The following MGAT4C variants were observed in gnomAD, a reference collection of about 807,000 sequenced individuals.
The protein encoded by MGAT4C is alpha-1,3-mannosyl-glycoprotein 4-beta-N-acetylglucosaminyltransferase C.
A neutral mutation model predicts 40.1 loss-of-function variants in MGAT4C; 19 were observed. The observed-to-expected ratio is 0.47, with a 90% CI of 0.33 to 0.70. The LOEUF (loss-of-function observed/expected upper bound fraction) is 0.70, where lower values mean the gene tolerates loss of function less well. MGAT4C is among the 30% of genes least tolerant of loss of function. MGAT4C has a pLI of 0.02. For missense variants in MGAT4C, 491 were observed against 563.2 expected (o/e 0.87, Z 1.30); for synonymous variants, 181 against 187.1 (o/e 0.97, Z 0.27).
intron 2 of MGAT4C, among the ~76,000 whole-genome samples, chr12:86,726,063 T>C (rs187563220): frequency 1.2e-4 from 18 of 152,300 alleles, no homozygotes; most frequent in African/African-American, 4.3e-4. Context: ...TCGTTTCCAA[T>C]TGAAACTGGA....
At position 86,415,268 on chromosome 12, in the gene MGAT4C, A is replaced by G. The variant is rs549691480; in HGVS notation, c.-120+19889T>C. 1.4e-4 allele frequency among the ~76,000 whole-genome samples: 22 copies of G among 152,176 alleles called. No homozygotes were observed. The East Asian group carries it at 4.1e-3, about 28-fold the overall frequency. On this transcript the variant is annotated intron_variant, in intron 3 of 7. Coordinates refer to the MGAT4C transcript ENST00000548651. ...TTCTAATTGTAGCAAAATTGCAATA[A>G]GGCCTGGAATGACATGGATATAAGA...
intron 1 of MGAT4C, among the ~76,000 whole-genome samples, chr12:86,832,441 T>A (rs1273792433): frequency 6.6e-6 from 1 of 151,726 alleles, no homozygotes; most frequent in East Asian, 1.9e-4. Context: ...TTCAGCAAAA[T>A]ATTTTGAAGA....
At chr12:86,637,319 A>G (rs960049074) in intron 2 of MGAT4C, among the ~76,000 whole-genome samples, 2 of 151,988 alleles carry the variant, frequency 1.3e-5, no homozygotes, top group African/African-American at 4.8e-5. Flanking sequence ...TGAGTTGCAT[A>G]TCTTTTTCAC....
chr12:86,120,214 A>G (rs6539949), intron 1 of MGAT4C, among the ~76,000 whole-genome samples: 2 of 28,676 alleles, frequency 7.0e-5, no homozygotes, highest in African/African-American at 5.3e-4. Flanking sequence ...AAATTTTATT[A>G]TTTTTATTTT....
intron 3 of MGAT4C, among the ~76,000 whole-genome samples, chr12:86,335,424 G>A (rs902742313): frequency 1.3e-5 from 2 of 152,020 alleles, no homozygotes; most frequent in African/African-American, 4.8e-5. Context: ...CAGTCTCTAT[G>A]GGAGAGTATA....
chr12:86,623,958 C>T (rs1803420194), intron 2 of MGAT4C, among the ~76,000 whole-genome samples: 1 of 152,106 alleles, frequency 6.6e-6, no homozygotes, highest in South Asian at 2.1e-4. Flanking sequence ...AAATAAGATT[C>T]AAGTTCTACT....
At chr12:86,470,806 C>T (rs900114498) in intron 2 of MGAT4C, among the ~76,000 whole-genome samples, 6 of 152,090 alleles carry the variant, frequency 3.9e-5, no homozygotes, top group Non-Finnish European at 5.9e-5. Context: ...ATACTAATAG[C>T]GAAATAACAT....
intron 3 of MGAT4C, among the ~76,000 whole-genome samples, chr12:86,361,491 C>T (rs142150155): frequency 6.6e-6 from 1 of 152,100 alleles, no homozygotes; most frequent in African/African-American, 2.4e-5. Flanking sequence ...CAAATGGGAT[C>T]TAATTAAACT....
At chr12:86,123,722 C>T (rs1053411036) in intron 1 of MGAT4C, among the ~76,000 whole-genome samples, 6 of 151,996 alleles carry the variant, frequency 3.9e-5, no homozygotes, top group South Asian at 2.1e-4. Flanking sequence ...GAGTCCTGGA[C>T]GTGGCATCCT....
At chr12:86,377,900 A>T (rs1679540476) in intron 3 of MGAT4C, among the ~76,000 whole-genome samples, 1 of 152,008 alleles carries the variant, frequency 6.6e-6, no homozygotes, top group Admixed American at 6.6e-5. Context: ...CCACCATTCT[A>T]CTTGCTGTCT....
chr12:86,203,772 A>G (rs1305493697), intron 1 of MGAT4C, among the ~76,000 whole-genome samples: 1 of 151,854 alleles, frequency 6.6e-6, no homozygotes, highest in Non-Finnish European at 1.5e-5. Context: ...AGACTGACCA[A>G]CGTGGTGAAA....
chr12:86,493,393 A>G (rs1382267987), intron 2 of MGAT4C, among the ~76,000 whole-genome samples: 2 of 152,128 alleles, frequency 1.3e-5, no homozygotes, highest in African/African-American at 4.8e-5. Context: ...ACTTGGAACC[A>G]ACCCAAATGT....
intron 2 of MGAT4C, among the ~76,000 whole-genome samples, chr12:86,534,666 C>A (rs1042388914): frequency 3.6e-4 from 54 of 152,084 alleles, no homozygotes; most frequent in Admixed American, 5.9e-4. Flanking sequence ...GAACAAATAA[C>A]CATGGATAGT....
chr12:86,464,224 C>G (rs1359979307), intron 2 of MGAT4C, among the ~76,000 whole-genome samples: 1 of 152,084 alleles, frequency 6.6e-6, no homozygotes, highest in African/African-American at 2.4e-5. Context: ...GGCAGTTTAA[C>G]CACACAGAAT....
chr12:86,562,435 G>A (rs1959912684), intron 2 of MGAT4C, among the ~76,000 whole-genome samples: 3 of 152,020 alleles, frequency 2.0e-5, no homozygotes, highest in East Asian at 3.9e-4. Flanking sequence ...TAAATTCTGA[G>A]GAGGCTTTTT....
intron 4 of MGAT4C, among the ~76,000 whole-genome samples, chr12:86,327,652 C>T (rs1954558018): frequency 6.6e-6 from 1 of 152,104 alleles, no homozygotes; most frequent in Admixed American, 6.6e-5. Flanking sequence ...GATGAAAACT[C>T]TGACTTAATA....
At chr12:86,296,179 T>G (rs1308867190) in intron 4 of MGAT4C, among the ~76,000 whole-genome samples, 1 of 137,330 alleles carries the variant, frequency 7.3e-6, no homozygotes, top group Non-Finnish European at 1.6e-5. Flanking sequence ...GACATAAAGG[T>G]TCTCCAAGGC....
intron 1 of MGAT4C, among the ~76,000 whole-genome samples, chr12:86,198,778 A>G (rs554030104): frequency 3.0e-4 from 46 of 152,272 alleles, no homozygotes; most frequent in African/African-American, 1.0e-3. Context: ...AAATGCCAAT[A>G]CATCTTCATT....
chr12:86,588,643 T>C (rs1961176258), intron 2 of MGAT4C, among the ~76,000 whole-genome samples: 1 of 152,084 alleles, frequency 6.6e-6, no homozygotes, highest in Non-Finnish European at 1.5e-5. Flanking sequence ...ACTGACCACA[T>C]ACTTGGAAGT....
Sources: gnomAD v4.1 joint callset for allele counts (sites outside exome capture counted in the v4.1 genomes callset) on GRCh38, gnomAD v4.1.1 for gene constraint, MANE v1.5 for transcripts, NCBI Gene and HGNC (gene_info 2026-07-23, HGNC 2026-07-21) for gene names.